The following ANKFN1 variants were observed in gnomAD, a reference collection of about 807,000 sequenced individuals.
The protein encoded by ANKFN1 is ankyrin repeat and fibronectin type-III domain-containing protein 1.
A neutral mutation model predicts 108.7 loss-of-function variants in ANKFN1; 74 were observed. The observed-to-expected ratio is 0.68, with a 90% CI of 0.56 to 0.83. The LOEUF is 0.83. ANKFN1 is among the 40% of genes least tolerant of loss of function. The probability of loss-of-function intolerance (pLI) is 0.00; values close to 1 mark genes in which losing one functional copy is unlikely to be tolerated. For synonymous variants in ANKFN1, 547 were observed against 516.2 expected (o/e 1.06, Z -0.81); for missense variants, 1,505 against 1,382.3 (o/e 1.09, Z -1.41).
intron 1 of ANKFN1, among the ~76,000 whole-genome samples, chr17:56,155,845 C>T (rs1166971915): frequency 2.6e-5 from 4 of 152,096 alleles, no homozygotes; most frequent in Non-Finnish European, 5.9e-5. Flanking sequence ...TCTGATCACT[C>T]CAGCAAATGC....
At chr17:56,195,650 A>G (rs1462294011) in intron 1 of ANKFN1, among the ~76,000 whole-genome samples, 1 of 152,192 alleles carries the variant, frequency 6.6e-6, no homozygotes. Context: ...CTCTGAGCCC[A>G]TTTCCTTCTC....
rs1555593345 is a variant in ANKFN1 at position 56,094,681 on chromosome 17, T to TG, written c.288+48356_288+48357insG. On this transcript the variant is annotated intron_variant, in intron 4 of 12. Coordinates refer to the ANKFN1 transcript ENST00000635860. Reference sequence around the variant, plus strand: ...ACCACGCCCAGCTAATTGGGTTTTTTTTTTTTTTTTTTGTATTTTTAGTAG... The same window carrying TG: ...ACCACGCCCAGCTAATTGGGTTTTTTGTTTTTTTTTTTTGTATTTTTAGTAG... 1.7e-4 allele frequency among the ~76,000 whole-genome samples: 24 copies of TG among 141,640 alleles called. 2 individuals carry two copies. The highest frequency in any genetic ancestry group is 7.7e-4 in the Admixed American group (11 of 14,326). The allele number at this position is 141,640 out of a possible 152,430, so 92.9% of individuals were successfully genotyped here. A position where few individuals can be genotyped will look rare whatever the true frequency, so the allele number is the denominator to read the frequency against.
intron 14 of ANKFN1, among the ~76,000 whole-genome samples, chr17:56,462,983 C>G (rs929500249): frequency 6.6e-6 from 1 of 152,208 alleles, no homozygotes; most frequent in African/African-American, 2.4e-5. Flanking sequence ...TGGGCTTAGT[C>G]ACTGTGTCCA....
intron 3 of ANKFN1, among the ~76,000 whole-genome samples, chr17:56,276,315 G>A (rs574563392): frequency 7.3e-4 from 111 of 152,132 alleles, no homozygotes; most frequent in African/African-American, 2.6e-3. Flanking sequence ...TGCTGCAATA[G>A]ACATACACGT....
intron 8 of ANKFN1, among the ~76,000 whole-genome samples, chr17:56,398,802 C>G (rs576388186): frequency 1.1e-4 from 16 of 152,242 alleles, no homozygotes; most frequent in African/African-American, 3.9e-4. Context: ...GAGAGTATTA[C>G]TGTCCCAGCT....
chr17:56,383,904 G>A (rs1227330286), intron 8 of ANKFN1, among the ~76,000 whole-genome samples: 3 of 152,186 alleles, frequency 2.0e-5, no homozygotes, highest in Admixed American at 6.5e-5. Context: ...GAGGTACAAG[G>A]AGGAACTGGT....
At chr17:56,322,573 T>C (rs1265945381) in intron 3 of ANKFN1, among the ~76,000 whole-genome samples, 1 of 152,208 alleles carries the variant, frequency 6.6e-6, no homozygotes, top group East Asian at 1.9e-4. Flanking sequence ...AGCTCTTCCC[T>C]GCATTATTCA....
At chr17:56,499,921 G>T (rs1465747502) in intron 20 of ANKFN1, among the ~76,000 whole-genome samples, 1 of 152,148 alleles carries the variant, frequency 6.6e-6, no homozygotes, top group Non-Finnish European at 1.5e-5. Context: ...GTTTGCAAGA[G>T]CTCCAATTTT....
rs112900140 is a variant in ANKFN1 at position 56,155,963 on chromosome 17, G to A, written c.-71+2433G>A. The stretch of plus-strand genomic sequence containing the variant: ...AAGTCACATGGTGTCTGGGAAACTT[G>A]GATGTGGTTGGATAGGCCTGGATTT... On this transcript the variant is annotated intron_variant, in intron 1 of 20. Coordinates refer to ENST00000682825, the MANE Select transcript of ANKFN1 (RefSeq NM_001370326.1). 5.5e-3 allele frequency among the ~76,000 whole-genome samples: 841 copies of A among 152,290 alleles called. 7 individuals carry two copies. Among genetic ancestry groups the A allele is most frequent in the Middle Eastern group, 0.01 (3 of 294 alleles).
In ANKFN1 at chr17:56,094,417, TGCATTATA is replaced by T. The variant is rs1044663960; in HGVS notation, c.288+48096_288+48103del. 1.2e-4 allele frequency among the ~76,000 whole-genome samples: 18 copies of T among 150,460 alleles called. 1 individual carries two copies. Among genetic ancestry groups the T allele is most frequent in the African/African-American group, 4.4e-4 (18 of 41,032 alleles). Reference sequence around the variant, plus strand: ...TAATAACACTTAGGAATGTATATATTGCATTATAGCAGAAATGACTGTACTTAAATACT... The same window carrying T: ...TAATAACACTTAGGAATGTATATATTGCAGAAATGACTGTACTTAAATACT... On this transcript the variant is annotated intron_variant, in intron 4 of 12. Transcript: ENST00000635860.
intron 1 of ANKFN1, among the ~76,000 whole-genome samples, chr17:56,169,833 G>T (rs777010440): frequency 1.3e-5 from 2 of 152,122 alleles, no homozygotes; most frequent in African/African-American, 4.8e-5. Flanking sequence ...CCCTAAAGGT[G>T]CTCCTGCTGG....
At chr17:56,277,100 A>C (rs2144219319) in intron 3 of ANKFN1, among the ~76,000 whole-genome samples, 1 of 152,360 alleles carries the variant, frequency 6.6e-6, no homozygotes, top group South Asian at 2.1e-4. Flanking sequence ...GAAGCCATTC[A>C]TGCCAAGCTC....
chr17:56,200,858 T>C (rs1913994290), intron 1 of ANKFN1, among the ~76,000 whole-genome samples: 1 of 152,200 alleles, frequency 6.6e-6, no homozygotes, highest in Non-Finnish European at 1.5e-5. Context: ...CAATCCTCTA[T>C]AGCTACAGTC....
At chr17:56,191,936 C>T (rs1470644584) in intron 1 of ANKFN1, among the ~76,000 whole-genome samples, 1 of 151,848 alleles carries the variant, frequency 6.6e-6, no homozygotes, top group East Asian at 2.0e-4. Flanking sequence ...TTTCTCTATA[C>T]TTCCCTTCTC....
chr17:56,218,194 T>TCC (rs1915568273), intron 2 of ANKFN1, among the ~76,000 whole-genome samples: 2 of 151,264 alleles, frequency 1.3e-5, no homozygotes, highest in South Asian at 4.2e-4. Context: ...TCTCTCTCTC[T>TCC]CTCTCTCTCT....
intron 20 of ANKFN1, among the ~76,000 whole-genome samples, chr17:56,508,449 C>T (rs2051640902): frequency 6.6e-6 from 1 of 152,184 alleles, no homozygotes; most frequent in Non-Finnish European, 1.5e-5. Flanking sequence ...TGCACCCTTC[C>T]TCCAGCCCCC....
intron 4 of ANKFN1, among the ~76,000 whole-genome samples, chr17:56,139,296 A>G (rs374544340): frequency 3.3e-5 from 5 of 152,178 alleles, no homozygotes; most frequent in African/African-American, 1.2e-4. Flanking sequence ...TTGAGCTAAA[A>G]TTTACTATAC....
intron 8 of ANKFN1, among the ~76,000 whole-genome samples, chr17:56,424,516 G>A (rs537354590): frequency 6.6e-6 from 1 of 152,188 alleles, no homozygotes; most frequent in Admixed American, 6.5e-5. Flanking sequence ...GTGTCACAAA[G>A]TAAAAATGTT....
chr17:56,275,429 G>C (rs1255993397), intron 3 of ANKFN1, among the ~76,000 whole-genome samples: 1 of 151,868 alleles, frequency 6.6e-6, no homozygotes, highest in Non-Finnish European at 1.5e-5. Context: ...CACTACCATA[G>C]ACGATTAGGA....
Sources: allele counts gnomAD v4.1 joint callset (sites outside exome capture counted in the v4.1 genomes callset), GRCh38; gene constraint gnomAD v4.1.1; transcripts MANE v1.5; gene names NCBI Gene and HGNC (gene_info 2026-07-23, HGNC 2026-07-21).